The following BICD1 variants were observed in gnomAD, a reference collection of about 807,000 sequenced individuals.
BICD1 encodes the protein protein bicaudal D homolog 1.
BICD1 carries 35 observed loss-of-function variants against 92.5 expected under a neutral mutation model. The ratio of observed to expected loss-of-function variants is 0.38; its 90% confidence interval spans 0.29 to 0.50. The LOEUF (loss-of-function observed/expected upper bound fraction) is 0.50, where lower values mean the gene tolerates loss of function less well. BICD1 is among the 20% of genes least tolerant of loss of function. BICD1 has a pLI of 0.93. For synonymous variants in BICD1, 429 were observed against 465.1 expected (o/e 0.92, Z 1.00); for missense variants, 950 against 1,189.8 (o/e 0.80, Z 2.97).
intron 8 of BICD1, chr12:32,339,996 ACTC>A (rs1446585375): frequency 7.0e-6 from 6 of 856,060 alleles, no homozygotes; most frequent in Admixed American, 1.3e-4. Flanking sequence ...CACAGTCACC[ACTC>A]CTCCTTATTA....
At chr12:32,320,659 A>G (rs1948629260) in intron 4 of BICD1, among the ~76,000 whole-genome samples, 1 of 150,830 alleles carries the variant, frequency 6.6e-6, no homozygotes, top group Admixed American at 6.6e-5. Flanking sequence ...TAAATAAATA[A>G]AAAATAAAAG....
intron 2 of BICD1, among the ~76,000 whole-genome samples, chr12:32,251,237 T>C (rs143627691): frequency 0.026 from 3,901 of 152,300 alleles, 61 homozygotes; most frequent in African/African-American, 0.033. Flanking sequence ...TATATGCATA[T>C]GTTAAAATAT....
intron 1 of BICD1, among the ~76,000 whole-genome samples, chr12:32,201,242 T>C (rs1394967110): frequency 1.3e-5 from 2 of 152,256 alleles, no homozygotes; most frequent in Non-Finnish European, 2.9e-5. Flanking sequence ...TACTCTGATC[T>C]AGGAGGATTG....
chr12:32,149,416 T>C (rs982953893), intron 1 of BICD1, among the ~76,000 whole-genome samples: 6 of 152,260 alleles, frequency 3.9e-5, no homozygotes, highest in African/African-American at 9.6e-5. Flanking sequence ...ACCTTTGATA[T>C]GTTTTCATAT....
In BICD1 at chr12:32,328,589, C is replaced by A; in HGVS notation, c.2100+34C>A. ...ATTCTACTGGTGAAAGCATGCCAGT[C>A]AAAGCTTTCTTAACTAATTTATTCC... On this transcript the variant is annotated intron_variant, in intron 5 of 9. Coordinates refer to ENST00000652176, the MANE Select transcript of BICD1 (RefSeq NM_001714.4). This position sits in a 1 kb window ranked among gnomAD's most constrained non-coding sequence, Gnocchi z 4.4. 1.3e-6 allele frequency: 2 copies of A among 1,574,974 alleles called. No homozygotes were observed. The highest frequency in any genetic ancestry group is 2.3e-5 in the South Asian group (2 of 85,538).
At chr12:32,283,663 G>C (rs116225020) in intron 2 of BICD1, among the ~76,000 whole-genome samples, 1 of 152,200 alleles carries the variant, frequency 6.6e-6, no homozygotes, top group African/African-American at 2.4e-5. Context: ...AGAGCGAGTG[G>C]TTTGATTGGA....
chr12:32,196,061 A>G (rs1023818216), intron 1 of BICD1, among the ~76,000 whole-genome samples: 3 of 152,250 alleles, frequency 2.0e-5, no homozygotes, highest in South Asian at 2.1e-4. Flanking sequence ...ATTACTAATC[A>G]TGAGAGAAAT....
At chr12:32,375,142 G>T (rs565374251) in intron 9 of BICD1, among the ~76,000 whole-genome samples, 2 of 150,172 alleles carry the variant, frequency 1.3e-5, no homozygotes, top group Admixed American at 1.3e-4. Context: ...GGCCAGGATG[G>T]TCTCTATCTC....
intron 4 of BICD1, among the ~76,000 whole-genome samples, chr12:32,314,074 G>A (rs545281058): frequency 4.7e-4 from 72 of 152,282 alleles, no homozygotes; most frequent in East Asian, 1.2e-3. Flanking sequence ...TTAAAGGTTC[G>A]TCCATGCTGT....
At chr12:32,275,118 A>G (rs1947242273) in intron 2 of BICD1, among the ~76,000 whole-genome samples, 1 of 152,154 alleles carries the variant, frequency 6.6e-6, no homozygotes, top group Non-Finnish European at 1.5e-5. Context: ...ACACACTCAT[A>G]TTTCAGTCCC....
intron 2 of BICD1, among the ~76,000 whole-genome samples, chr12:32,265,480 G>T (rs536265516): frequency 6.6e-6 from 1 of 151,660 alleles, no homozygotes; most frequent in Non-Finnish European, 1.5e-5. Flanking sequence ...AGGCTGAGGC[G>T]GGAGGATCCC....
rs1311661329 is a variant in BICD1 at position 32,281,063 on chromosome 12, CT to C, written c.427-12923del. Among the ~76,000 whole-genome samples the C allele has an allele frequency of 1.6e-4, 19 of 122,270 alleles. No individual in the cohort carries two copies. The South Asian group carries it at 4.6e-3, about 29-fold the overall frequency. 80.2% of individuals were successfully genotyped at this position (122,270 alleles called of 152,430 possible). On this transcript the variant is annotated intron_variant, in intron 2 of 9. Coordinates refer to ENST00000652176, the MANE Select transcript of BICD1 (RefSeq NM_001714.4). ...TTTATTTAACCTAATATTTCCCAAA[CT>C]TTTTTTTAGTGACTCACAGAAACAC...
At chr12:32,218,866 T>C (rs1008905607) in intron 2 of BICD1, among the ~76,000 whole-genome samples, 25 of 152,318 alleles carry the variant, frequency 1.6e-4, no homozygotes, top group African/African-American at 5.8e-4. Flanking sequence ...ATCCAGCAGA[T>C]ACATTTTATT....
chr12:32,264,767 G>C lies in BICD1; in HGVS notation c.427-29227G>C, dbSNP rs529158118. On this transcript the variant is annotated intron_variant, in intron 2 of 9. Transcript: ENST00000652176. ...GCCTCCCAAAATGCTGGGATTACAG[G>C]TGTGAGCCACCATGCCCAGCCTAAA... Among the ~76,000 whole-genome samples the C allele has an allele frequency of 4.6e-5, 7 of 152,276 alleles. No individual in the cohort carries two copies. The South Asian group carries it at 1.0e-3, about 23-fold the overall frequency.
chr12:32,185,553 AAC>A (rs1324862334), intron 1 of BICD1, among the ~76,000 whole-genome samples: 6 of 152,210 alleles, frequency 3.9e-5, no homozygotes, highest in African/African-American at 2.4e-5. Flanking sequence ...ACGCAATGGG[AAC>A]ACACACAATG....
At chr12:32,126,423 T>C (rs1684150) in intron 1 of BICD1, among the ~76,000 whole-genome samples, 43,796 of 151,468 alleles carry the variant, frequency 0.29, 6,566 homozygotes, top group Admixed American at 0.43. Flanking sequence ...GCTATCATGG[T>C]GGGCTAGAAA....
intron 1 of BICD1, among the ~76,000 whole-genome samples, chr12:32,142,109 TAAAA>T: frequency 6.6e-6 from 1 of 152,138 alleles, no homozygotes; most frequent in South Asian, 2.1e-4. Flanking sequence ...TATGTCAACA[TAAAA>T]GTTTATTGAC....
chr12:32,212,579 C>T (rs1179077586), intron 1 of BICD1, among the ~76,000 whole-genome samples: 2 of 152,188 alleles, frequency 1.3e-5, no homozygotes, highest in African/African-American at 4.8e-5. Flanking sequence ...CATGCACAAG[C>T]ACGCCCAGCT....
chr12:32,204,955 A>G (rs1945006705), intron 1 of BICD1, among the ~76,000 whole-genome samples: 1 of 152,228 alleles, frequency 6.6e-6, no homozygotes, highest in Non-Finnish European at 1.5e-5. Context: ...AACAAAAAGC[A>G]GATATCATGA....
Sources: gnomAD v4.1 joint callset for allele counts (sites outside exome capture counted in the v4.1 genomes callset) on GRCh38, gnomAD v4.1.1 for gene constraint, Gnocchi (gnomAD v3.1) non-coding constraint, MANE v1.5 for transcripts, NCBI Gene and HGNC (gene_info 2026-07-23, HGNC 2026-07-21) for gene names.